ALG5: variants seen among roughly 807,000 people sequenced by gnomAD.
The protein encoded by ALG5 is ALG5 dolichyl-phosphate beta-glucosyltransferase, also known as dolichyl-phosphate beta-glucosyltransferase.
In ALG5, 26 loss-of-function variants were observed where a neutral mutation model predicts 51.8. The ratio of observed to expected loss-of-function variants is 0.50; its 90% CI spans 0.37 to 0.70. ALG5 has a LOEUF of 0.70. ALG5 is among the 30% of genes least tolerant of loss of function. The probability of loss-of-function intolerance (pLI) is 0.00; values close to 1 mark genes in which losing one functional copy is unlikely to be tolerated. For synonymous variants in ALG5, 141 were observed against 136.1 expected (o/e 1.04, Z -0.25); for missense variants, 311 against 399.3 (o/e 0.78, Z 1.88).
intron 7 of ALG5, among the ~76,000 whole-genome samples, chr13:36,971,645 T>C (rs1328805514): frequency 3.9e-5 from 1 of 25,830 alleles, no homozygotes; most frequent in Non-Finnish European, 6.4e-5. Context: ...GGAGACTCCG[T>C]CTCCAAAAAA....
At chr13:36,973,268 A>G (rs1259348983) in intron 6 of ALG5, among the ~76,000 whole-genome samples, 6 of 152,194 alleles carry the variant, frequency 3.9e-5, no homozygotes, top group Admixed American at 3.9e-4. Context: ...AAGGTGCTGG[A>G]ATGTGAATAG....
chr13:36,963,388 T>G (rs1402309265), intron 8 of ALG5, among the ~76,000 whole-genome samples: 1 of 152,244 alleles, frequency 6.6e-6, no homozygotes, highest in African/African-American at 2.4e-5. Flanking sequence ...CCTAACCTTT[T>G]ATATTTCAAC....
chr13:36,974,955 G>A (rs2058943277), intron 6 of ALG5, among the ~76,000 whole-genome samples: 1 of 152,214 alleles, frequency 6.6e-6, no homozygotes. Flanking sequence ...GCTCACGCCT[G>A]TAATCCCAGC....
chr13:36,970,582 A>T (rs139984262), intron 7 of ALG5, among the ~76,000 whole-genome samples: 25 of 151,410 alleles, frequency 1.7e-4, no homozygotes, highest in African/African-American at 5.8e-4. Flanking sequence ...CTTGGGTGAC[A>T]GAGTTAGACT....
intron 4 of ALG5, among the ~76,000 whole-genome samples, chr13:36,992,862 A>G (rs1312414274): frequency 6.6e-6 from 1 of 152,196 alleles, no homozygotes; most frequent in Admixed American, 6.5e-5. Context: ...ATATAATTTC[A>G]ACTTTCTACT....
intron 8 of ALG5, among the ~76,000 whole-genome samples, chr13:36,965,343 T>C (rs1474166528): frequency 6.6e-6 from 1 of 152,256 alleles, no homozygotes; most frequent in Admixed American, 6.5e-5. Flanking sequence ...CAATTTCTAC[T>C]GTCTACAATT....
intron 8 of ALG5, among the ~76,000 whole-genome samples, chr13:36,965,137 A>G (rs2058886991): frequency 6.6e-6 from 1 of 152,156 alleles, no homozygotes. Flanking sequence ...GGCTGAATAC[A>G]CAAGAGATGA....
At chr13:36,981,461 C>G (rs546466822) in intron 6 of ALG5, among the ~76,000 whole-genome samples, 11 of 152,296 alleles carry the variant, frequency 7.2e-5, no homozygotes, top group Non-Finnish European at 1.2e-4. Context: ...GAAATACATG[C>G]AAGGCATGCT....
chr13:36,956,663 G>A (rs774437335), intron 8 of ALG5, among the ~76,000 whole-genome samples: 17 of 152,086 alleles, frequency 1.1e-4, no homozygotes, highest in Non-Finnish European at 2.5e-4. Context: ...AACCTCCTTT[G>A]GGTCCCCTCC....
At chr13:36,991,248 C>T (rs574510431) in intron 4 of ALG5, among the ~76,000 whole-genome samples, 65 of 152,286 alleles carry the variant, frequency 4.3e-4, no homozygotes, top group African/African-American at 1.5e-3. Context: ...CTCAGCCAAA[C>T]ACCATTTCTC....
At chr13:36,954,853 T>G (rs1267977284) in intron 8 of ALG5, among the ~76,000 whole-genome samples, 1 of 152,208 alleles carries the variant, frequency 6.6e-6, no homozygotes, top group East Asian at 1.9e-4. Context: ...ACCCCACTGC[T>G]GCCTCCTGCA....
intron 7 of ALG5, among the ~76,000 whole-genome samples, chr13:36,969,270 T>G (rs1472387756): frequency 6.6e-6 from 1 of 152,132 alleles, no homozygotes; most frequent in African/African-American, 2.4e-5. Flanking sequence ...CCAAAACACA[T>G]GGCTCCTTTC....
At chr13:36,983,792 CA>C (rs138658549) in intron 6 of ALG5, among the ~76,000 whole-genome samples, 1 of 150,534 alleles carries the variant, frequency 6.6e-6, no homozygotes, top group Non-Finnish European at 1.5e-5. Flanking sequence ...TAGAAAAAAA[CA>C]AAAAAAACAG....
intron 1 of ALG5, among the ~76,000 whole-genome samples, chr13:36,995,886 G>A (rs2059047529): frequency 6.6e-6 from 1 of 152,096 alleles, no homozygotes; most frequent in African/African-American, 2.4e-5. Context: ...CTACAATAAA[G>A]GTCAGTCACT....
chr13:36,964,049 C>T (rs994074179), intron 8 of ALG5, among the ~76,000 whole-genome samples: 2 of 152,004 alleles, frequency 1.3e-5, no homozygotes, highest in African/African-American at 4.8e-5. Flanking sequence ...AGTAATTACA[C>T]AAATATAAGA....
chr13:36,992,021 C>A (rs191235671), intron 4 of ALG5, among the ~76,000 whole-genome samples: 1 of 152,116 alleles, frequency 6.6e-6, no homozygotes, highest in African/African-American at 2.4e-5. Flanking sequence ...TGAAGGAATG[C>A]GTGAGACTGA....
chr13:36,980,246 A>T (rs2058973630), intron 6 of ALG5, among the ~76,000 whole-genome samples: 2 of 151,972 alleles, frequency 1.3e-5, no homozygotes, highest in Admixed American at 1.3e-4. Flanking sequence ...ATTTTTTATT[A>T]TTTTTTGAGA....
intron 1 of ALG5, 114 bp downstream of exon 1, chr13:36,999,121 G>A: frequency 2.1e-6 from 2 of 969,198 alleles, no homozygotes; most frequent in Non-Finnish European, 2.8e-6. Context: ...GGAATCTAGG[G>A]GAAAAGGGAC....
chr13:36,972,142 T>C, intron 6 of ALG5, 106 bp from the exon 7 acceptor site: 1 of 974,164 alleles, frequency 1.0e-6, no homozygotes, highest in Non-Finnish European at 1.5e-6. Flanking sequence ...TTAAAAAAGT[T>C]GACATTAAAA....
Sources: gnomAD v4.1 joint callset for allele counts (sites outside exome capture counted in the v4.1 genomes callset) on GRCh38, gnomAD v4.1.1 for gene constraint, MANE v1.5 for transcripts, NCBI Gene and HGNC (gene_info 2026-07-23, HGNC 2026-07-21) for gene names.